Variants in TENM4 observed in about 807,000 individuals in gnomAD.
The protein encoded by TENM4 is teneurin-4.
A neutral mutation model predicts 243.3 loss-of-function variants in TENM4; 82 were observed. That is an observed-to-expected ratio of 0.34 (90% confidence interval 0.28 to 0.40). The LOEUF is 0.40. TENM4 is among the 10% of genes least tolerant of loss of function. TENM4 has a pLI of 1.00. For synonymous variants in TENM4, 1,412 were observed against 1,456.3 expected (o/e 0.97, Z 0.69); for missense variants, 3,138 against 3,673.3 (o/e 0.85, Z 3.77).
At chr11:78,917,550 G>A (rs1856345505) in intron 6 of TENM4, among the ~76,000 whole-genome samples, 1 of 151,824 alleles carries the variant, frequency 6.6e-6, no homozygotes, top group Admixed American at 6.6e-5. Flanking sequence ...ATCCATCAAT[G>A]TCCATAAGCC....
chr11:78,936,889 G>C (rs943358067), intron 6 of TENM4, among the ~76,000 whole-genome samples: 1 of 152,152 alleles, frequency 6.6e-6, no homozygotes, highest in Non-Finnish European at 1.5e-5. Context: ...TCAAGGTGGG[G>C]TTCACTTATA....
At chr11:79,407,177 G>C (rs1235435019) in intron 1 of TENM4, among the ~76,000 whole-genome samples, 7 of 152,182 alleles carry the variant, frequency 4.6e-5, no homozygotes, top group African/African-American at 7.2e-5. Context: ...TGGGAATATT[G>C]ATGGTCTCTT....
intron 1 of TENM4, among the ~76,000 whole-genome samples, chr11:79,439,663 C>CCACACACACACA (rs141828517): frequency 3.9e-3 from 568 of 146,822 alleles, no homozygotes; most frequent in Middle Eastern, 0.011. Flanking sequence ...GTGTGTGTGT[C>CCACACACACACA]CACACACACA....
intron 1 of TENM4, among the ~76,000 whole-genome samples, chr11:79,316,891 T>C (rs142519208): frequency 6.6e-6 from 1 of 152,216 alleles, no homozygotes; most frequent in South Asian, 2.1e-4. Flanking sequence ...TGCACAAAGA[T>C]GCTTTGTTCG....
chr11:78,864,765 T>C (rs556179227), intron 9 of TENM4, among the ~76,000 whole-genome samples: 33 of 152,312 alleles, frequency 2.2e-4, no homozygotes, highest in Admixed American at 1.4e-3. Flanking sequence ...GATGTAACAT[T>C]CACTCCTTTG....
chr11:78,676,790 C>T (rs1858488871), intron 29 of TENM4, among the ~76,000 whole-genome samples: 1 of 152,158 alleles, frequency 6.6e-6, no homozygotes, highest in African/African-American at 2.4e-5. Context: ...AACCAAGCCT[C>T]AAATAGATAC....
At chr11:79,245,954 A>AG (rs1327299770) in intron 2 of TENM4, among the ~76,000 whole-genome samples, 11 of 150,956 alleles carry the variant, frequency 7.3e-5, no homozygotes, top group African/African-American at 2.7e-4. Context: ...AAAAAAAAAA[A>AG]AAAAAAAAGA....
intron 4 of TENM4, among the ~76,000 whole-genome samples, chr11:79,125,858 GC>G (rs1278249938): frequency 6.6e-6 from 1 of 152,158 alleles, no homozygotes; most frequent in Non-Finnish European, 1.5e-5. Flanking sequence ...GTCCCAGCGA[GC>G]CCCTAGAGGT....
At chr11:79,379,370 T>A (rs769535986) in intron 1 of TENM4, among the ~76,000 whole-genome samples, 1 of 152,182 alleles carries the variant, frequency 6.6e-6, no homozygotes. Flanking sequence ...GAGGCTGTTA[T>A]AGCCGTGTTA....
intron 3 of TENM4, among the ~76,000 whole-genome samples, chr11:79,176,036 G>A (rs896773657): frequency 5.3e-5 from 8 of 152,292 alleles, no homozygotes; most frequent in African/African-American, 1.4e-4. Context: ...AGGCTGCGGT[G>A]AGCCGTGATC....
chr11:79,301,457 C>T (rs1856548031), intron 1 of TENM4, among the ~76,000 whole-genome samples: 3 of 152,202 alleles, frequency 2.0e-5, no homozygotes, highest in African/African-American at 7.2e-5. Flanking sequence ...GGCTTCTCGA[C>T]TCCAATGCCA....
intron 6 of TENM4, among the ~76,000 whole-genome samples, chr11:78,958,650 C>G (rs1857256241): frequency 6.6e-6 from 1 of 152,196 alleles, no homozygotes; most frequent in Non-Finnish European, 1.5e-5. Flanking sequence ...GATGGCAGCT[C>G]AGGCTGGAGT....
chr11:79,051,380 C>G (rs906566645), intron 6 of TENM4, among the ~76,000 whole-genome samples: 33 of 152,350 alleles, frequency 2.2e-4, no homozygotes, highest in African/African-American at 7.7e-4. Flanking sequence ...ACCCAGGCAG[C>G]CTGGCTCCAG....
chr11:79,224,916 A>G (rs1356754932), intron 2 of TENM4, among the ~76,000 whole-genome samples: 1 of 151,700 alleles, frequency 6.6e-6, no homozygotes, highest in Non-Finnish European at 1.5e-5. Flanking sequence ...GTGCCATTGC[A>G]CTCCAGCCTG....
In TENM4 at chr11:79,163,855, T is replaced by C. The variant is rs574355871; in HGVS notation, c.-162-15049A>G. Reference sequence around the variant, plus strand: ...TACATATATATTATATATACATATATACACACATATATACACATATATGTA... The same window carrying C: ...TACATATATATTATATATACATATACACACACATATATACACATATATGTA... On this transcript the variant is annotated intron_variant, in intron 3 of 33. Transcript: ENST00000278550. Among the ~76,000 whole-genome samples the C allele has an allele frequency of 5.3e-3, 768 of 145,518 alleles. 6 individuals carry two copies. The highest frequency in any genetic ancestry group is 0.019 in the African/African-American group (736 of 39,780).
intron 9 of TENM4, among the ~76,000 whole-genome samples, chr11:78,886,377 A>G (rs745773779): frequency 3.9e-5 from 6 of 152,206 alleles, no homozygotes; most frequent in Non-Finnish European, 7.3e-5. Context: ...TAGTCGTCAC[A>G]GCCTGTAATT....
chr11:79,399,883 A>G (rs1207433697), intron 1 of TENM4, among the ~76,000 whole-genome samples: 1 of 152,150 alleles, frequency 6.6e-6, no homozygotes, highest in Non-Finnish European at 1.5e-5. Flanking sequence ...AATCATGTAT[A>G]TAAAGTGCCC....
intron 4 of TENM4, among the ~76,000 whole-genome samples, chr11:79,137,252 A>T (rs535232686): frequency 6.6e-6 from 1 of 152,272 alleles, no homozygotes; most frequent in South Asian, 2.1e-4. Context: ...TCAACAGGCT[A>T]AGAAGGGAGT....
At chr11:79,260,390 C>T (rs1252796755) in intron 2 of TENM4, among the ~76,000 whole-genome samples, 1 of 152,210 alleles carries the variant, frequency 6.6e-6, no homozygotes, top group African/African-American at 2.4e-5. Context: ...GAACACATTC[C>T]ATATGTCTGG....
Sources: gnomAD v4.1 joint callset for allele counts (sites outside exome capture counted in the v4.1 genomes callset) on GRCh38, gnomAD v4.1.1 for gene constraint, MANE v1.5 for transcripts, NCBI Gene and HGNC (gene_info 2026-07-23, HGNC 2026-07-21) for gene names.